The following ADAM23 variants were observed in gnomAD, a reference collection of about 807,000 sequenced individuals.
The protein encoded by ADAM23 is disintegrin and metalloproteinase domain-containing protein 23.
A neutral mutation model predicts 120.1 loss-of-function variants in ADAM23; 33 were observed. That is an observed-to-expected ratio of 0.27 (90% CI 0.21 to 0.37). The LOEUF (loss-of-function observed/expected upper bound fraction) is 0.37, where lower values mean the gene tolerates loss of function less well. ADAM23 is among the 10% of genes least tolerant of loss of function. ADAM23 has a pLI of 1.00. For synonymous variants in ADAM23, 367 were observed against 375.2 expected, an observed-to-expected ratio of 0.98 and a Z score of 0.25; for missense variants, 862 against 1,058.2, an observed-to-expected ratio of 0.81 and a Z score of 2.57.
intron 21 of ADAM23, among the ~76,000 whole-genome samples, chr2:206,591,017 G>A (rs183887984): frequency 1.3e-5 from 2 of 152,256 alleles, no homozygotes; most frequent in East Asian, 3.9e-4. Flanking sequence ...GGAAATTAAT[G>A]TGTTTGAAAC....
chr2:206,552,987 A>G (rs570865707), intron 9 of ADAM23, among the ~76,000 whole-genome samples: 1 of 152,282 alleles, frequency 6.6e-6, no homozygotes, highest in South Asian at 2.1e-4. Context: ...TATTATTAAA[A>G]TGGGTGAGAA....
chr2:206,590,971 T>C (rs1477386725), intron 21 of ADAM23, among the ~76,000 whole-genome samples: 3 of 152,234 alleles, frequency 2.0e-5, no homozygotes, highest in Non-Finnish European at 4.4e-5. Context: ...CTTTTGAGTA[T>C]CTGGTAATAG....
At chr2:206,583,493 A>C (rs886967238) in intron 18 of ADAM23, among the ~76,000 whole-genome samples, 18 of 147,928 alleles carry the variant, frequency 1.2e-4, no homozygotes, top group African/African-American at 4.4e-4. Context: ...CCTCAGGTAC[A>C]CCAATTATTC....
At position 206,620,756 on chromosome 2, in the gene ADAM23, C is replaced by T. The variant is rs1699039963; in HGVS notation, c.*3129C>T. On this transcript the variant is annotated 3_prime_UTR_variant, in exon 26 of 26. Coordinates refer to ENST00000264377, the MANE Select transcript of ADAM23 (RefSeq NM_003812.4). ...GCTCCTACTAGATAACTGAGCAGTA[C>T]ACATAAGTGCATGTTATGAAACATG... 6.6e-6 allele frequency: 1 copy of T among 152,216 alleles called. No individual in the cohort carries two copies. Among genetic ancestry groups the T allele is most frequent in the East Asian group, 1.9e-4 (1 of 5,188 alleles). 9.4% of individuals were successfully genotyped at this position (152,216 alleles called of 1,614,324 possible).
rs1382932783 is a variant in ADAM23, at chr2:206,559,985, G to T, written c.1036G>T (p.Val346Phe). Reference protein sequence around the residue: ...IYKEQLNTRVVLVAVETWTEK... With the variant: ...IYKEQLNTRVFLVAVETWTEK... The stretch of plus-strand genomic sequence containing the variant: ...CAAGGAGCAGCTCAACACCAGGGTT[G>T]TCCTGGTGGCTGTAGAGACCTGGAC... The change falls in exon 11 of 26, where the codon GTC becomes TTC. Residue 346 changes from valine to phenylalanine, a missense_variant. Physicochemically the swap from Val to Phe is conservative, Grantham distance 50. Transcript: ENST00000264377. 6.2e-7 allele frequency: 1 copy of T among 1,613,860 alleles called. No individual in the cohort carries two copies. Among genetic ancestry groups the T allele is most frequent in the East Asian group, 2.2e-5 (1 of 44,886 alleles).
Position 206,619,342 on chromosome 2 carries a change from C to G in ADAM23, c.*1715C>G, listed in dbSNP as rs1253170969. On this transcript the variant is annotated 3_prime_UTR_variant, in exon 26 of 26. Transcript: ENST00000264377. ...CTTCACTTTTACTGATTTTTTTCTT[C>G]TAAATATGGTCAAGATAGCTTCTGT... is the stretch of plus-strand genomic sequence containing the variant. 6.6e-6 allele frequency: 1 copy of G among 152,052 alleles called. No individual in the cohort carries two copies. The highest frequency in any genetic ancestry group is 1.5e-5 in the Non-Finnish European group (1 of 68,020). 9.4% of individuals were successfully genotyped at this position (152,052 alleles called of 1,614,324 possible).
At position 206,476,432 on chromosome 2, in the gene ADAM23, T is replaced by G. The variant is rs561159657; in HGVS notation, c.433-4800T>G. Among the ~76,000 whole-genome samples, 167 of 152,162 alleles carry G rather than the reference T, an allele frequency of 1.1e-3. 2 individuals carry two copies. The highest frequency in any genetic ancestry group is 2.3e-3 in the East Asian group (12 of 5,172). On this transcript the variant is annotated intron_variant, in intron 2 of 25. Transcript: ENST00000264377. ...AGGAACTGGGCCACACAGTAGGAGGTGAGTGGTGGGTGAGTGAGCATTACT... is the reference window on the plus strand; with the variant it reads ...AGGAACTGGGCCACACAGTAGGAGGGGAGTGGTGGGTGAGTGAGCATTACT...
chr2:206,460,619 T>C (rs1312364949), intron 2 of ADAM23, among the ~76,000 whole-genome samples: 1 of 152,224 alleles, frequency 6.6e-6, no homozygotes, highest in Non-Finnish European at 1.5e-5. Flanking sequence ...TAGGAGTTCT[T>C]TATGTACTCT....
At chr2:206,531,031 G>C in intron 4 of ADAM23, 83 bp downstream of exon 4, 1 of 1,038,980 alleles carries the variant, frequency 9.6e-7, no homozygotes, top group Non-Finnish European at 1.4e-6. Context: ...TTGTTTTGAC[G>C]TCTGTCTCAG....
chr2:206,557,118 C>T (rs915198330), intron 9 of ADAM23, among the ~76,000 whole-genome samples: 1 of 151,638 alleles, frequency 6.6e-6, no homozygotes, highest in South Asian at 2.1e-4. Context: ...TTTGTAAAGA[C>T]AGGATCTCAC....
intron 9 of ADAM23, among the ~76,000 whole-genome samples, chr2:206,555,470 T>C (rs1189521676): frequency 2.0e-5 from 3 of 152,188 alleles, no homozygotes; most frequent in African/African-American, 7.2e-5. Flanking sequence ...ACCTGGACTA[T>C]TGCAGTAGCT....
intron 25 of ADAM23, among the ~76,000 whole-genome samples, chr2:206,616,096 C>A (rs1257657679): frequency 2.0e-5 from 3 of 152,234 alleles, no homozygotes; most frequent in African/African-American, 4.8e-5. Context: ...CAAGGTCAGG[C>A]AGTCTCTGTT....
rs571615571 is a variant in ADAM23, at chr2:206,596,140, C to A, written c.2337C>A (p.Pro779=). ...GGGATCCAGTTAGGAACCTTCACCC[C>A]CCCAAGGATGAAGGACCCAAGGGTT... ...SIRDPVRNLH[P]PKDEGPKGPS... The change falls in exon 24 of 26, where the codon CCC becomes CCA. Residue 779 remains proline, a synonymous_variant. Transcript: ENST00000264377. The A allele has an allele frequency of 6.2e-6, 10 of 1,613,970 alleles. No homozygotes were observed. The highest frequency in any genetic ancestry group is 3.3e-5 in the Admixed American group (2 of 60,000).
intron 2 of ADAM23, among the ~76,000 whole-genome samples, chr2:206,468,647 A>G (rs746006238): frequency 4.6e-5 from 7 of 151,968 alleles, no homozygotes; most frequent in Non-Finnish European, 1.0e-4. Flanking sequence ...GAGCCCTCCA[A>G]ACTCTTCCAG....
intron 22 of ADAM23, among the ~76,000 whole-genome samples, chr2:206,593,307 G>A (rs746213482): frequency 6.6e-6 from 1 of 152,112 alleles, no homozygotes; most frequent in Non-Finnish European, 1.5e-5. Flanking sequence ...AATAGGTATT[G>A]TTCCCTTCAA....
intron 24 of ADAM23, among the ~76,000 whole-genome samples, chr2:206,604,269 A>G (rs1358385186): frequency 6.6e-6 from 1 of 152,154 alleles, no homozygotes; most frequent in Non-Finnish European, 1.5e-5. Context: ...CCATCTCAAA[A>G]AAAAGAAAAA....
At chr2:206,526,111 A>G (rs1696938836) in intron 3 of ADAM23, among the ~76,000 whole-genome samples, 2 of 151,772 alleles carry the variant, frequency 1.3e-5, no homozygotes, top group Non-Finnish European at 2.9e-5. Flanking sequence ...CATTAGAAAC[A>G]TGAATCTCAT....
intron 24 of ADAM23, among the ~76,000 whole-genome samples, chr2:206,602,749 A>G (rs1044816435): frequency 3.9e-5 from 6 of 152,222 alleles, no homozygotes; most frequent in Admixed American, 1.3e-4. Context: ...CTACATATAA[A>G]ATAGAAAATC....
At chr2:206,448,072 G>A (rs1695118192) in intron 2 of ADAM23, among the ~76,000 whole-genome samples, 2 of 152,164 alleles carry the variant, frequency 1.3e-5, no homozygotes, top group South Asian at 4.1e-4. Flanking sequence ...ATGCCTTAAT[G>A]TTTCTTTGTC....
Sources: gnomAD v4.1 joint callset for allele counts (sites outside exome capture counted in the v4.1 genomes callset) on GRCh38, gnomAD v4.1.1 for gene constraint, MANE v1.5 for transcripts, NCBI Gene and HGNC (gene_info 2026-07-23, HGNC 2026-07-21) for gene names.